The following CTNNA3 variants were observed in gnomAD, a reference collection of about 807,000 sequenced individuals.
The protein encoded by CTNNA3 is catenin alpha 3, also known as catenin alpha-3.
In CTNNA3, 76 loss-of-function variants were observed where a neutral mutation model predicts 95.7. The observed-to-expected ratio is 0.79, with a 90% confidence interval of 0.66 to 0.96. The LOEUF (loss-of-function observed/expected upper bound fraction) is 0.96, where lower values mean the gene tolerates loss of function less well. CTNNA3 is among the 40% of genes least tolerant of loss of function. CTNNA3 has a pLI of 0.00. For synonymous variants in CTNNA3, 431 were observed against 374.4 expected (o/e 1.15, Z -1.74); for missense variants, 1,191 against 1,089.8 (o/e 1.09, Z -1.31).
At chr10:66,368,022 C>T (rs2092726095) in intron 12 of CTNNA3, among the ~76,000 whole-genome samples, 1 of 150,986 alleles carries the variant, frequency 6.6e-6, no homozygotes, top group Non-Finnish European at 1.5e-5. Flanking sequence ...TTCATTACAT[C>T]TCTGGGTTAG....
chr10:67,533,985 A>G (rs544627232), intron 4 of CTNNA3, among the ~76,000 whole-genome samples: 1 of 152,170 alleles, frequency 6.6e-6, no homozygotes, highest in East Asian at 1.9e-4. Context: ...GTGAGCTCAG[A>G]GGAATTCTTT....
Position 67,588,563 on chromosome 10 carries a change from C to T in CTNNA3, c.292+18294G>A, listed in dbSNP as rs148628343. Among the ~76,000 whole-genome samples, 258 of 151,986 alleles carry T rather than the reference C, an allele frequency of 1.7e-3. 2 individuals carry two copies. The highest frequency in any genetic ancestry group is 5.8e-3 in the African/African-American group (240 of 41,452). ...GGACTGGATTGGCAGATGGACCTGT[C>T]GTCAGGCTTTAGTGGTAGTAGTGGT... On this transcript the variant is annotated intron_variant, in intron 3 of 17. Coordinates refer to ENST00000433211, the MANE Select transcript of CTNNA3 (RefSeq NM_013266.4).
chr10:67,304,617 A>G (rs1564550377), intron 5 of CTNNA3, among the ~76,000 whole-genome samples: 1 of 152,022 alleles, frequency 6.6e-6, no homozygotes, highest in Non-Finnish European at 1.5e-5. Context: ...TAAATAAAAT[A>G]AAAGGTGTAT....
chr10:66,349,622 T>C (rs544932396), intron 12 of CTNNA3, among the ~76,000 whole-genome samples: 1 of 152,234 alleles, frequency 6.6e-6, no homozygotes, highest in South Asian at 2.1e-4. Context: ...ACAGTTGCAA[T>C]CTTAAGAAAA....
chr10:66,110,423 T>C, intron 13 of CTNNA3, among the ~76,000 whole-genome samples: 1 of 151,656 alleles, frequency 6.6e-6, no homozygotes, highest in Non-Finnish European at 1.5e-5. Flanking sequence ...ACTTCCATGT[T>C]CACAATAGCT....
At position 67,487,835 on chromosome 10, in the gene CTNNA3, T is replaced by C. The variant is rs187598686; in HGVS notation, c.579+34007A>G. ...GTGACTGCCAGCTTCTCTCTTGACC[T>C]TCCTCACCCCTAGGTACCACAGGAT... On this transcript the variant is annotated intron_variant, in intron 5 of 17. Transcript: ENST00000433211. Among the ~76,000 whole-genome samples the C allele has an allele frequency of 3.6e-3, 552 of 152,280 alleles. 8 individuals are homozygous for C. The highest frequency in any genetic ancestry group is 0.013 in the African/African-American group (529 of 41,556).
chr10:66,351,453 TA>T lies in CTNNA3; in HGVS notation c.1732+27698del, dbSNP rs571153845. On this transcript the variant is annotated intron_variant, in intron 12 of 17. Coordinates refer to ENST00000433211, the MANE Select transcript of CTNNA3 (RefSeq NM_013266.4). ...AGTACCATTGTTAAATAGCAGATAT[TA>T]AAAAAAATGTGAGTCAGTGTTAGAA... Among the ~76,000 whole-genome samples the T allele has an allele frequency of 8.5e-4, 129 of 151,800 alleles. 2 individuals are homozygous for T. Among genetic ancestry groups the T allele is most frequent in the South Asian group, 7.3e-3 (35 of 4,812 alleles).
At chr10:66,834,822 G>A (rs1159034157) in intron 7 of CTNNA3, among the ~76,000 whole-genome samples, 1 of 152,178 alleles carries the variant, frequency 6.6e-6, no homozygotes, top group Non-Finnish European at 1.5e-5. Context: ...TGCTTTTCAT[G>A]CACTAGAAAG....
chr10:66,894,163 T>C (rs1439070491), intron 7 of CTNNA3, among the ~76,000 whole-genome samples: 2 of 152,038 alleles, frequency 1.3e-5, no homozygotes, highest in African/African-American at 4.8e-5. Flanking sequence ...TCAAAACAAC[T>C]TCAGAAGTAA....
At chr10:66,721,915 G>A (rs1028436322) in intron 9 of CTNNA3, among the ~76,000 whole-genome samples, 2 of 152,084 alleles carry the variant, frequency 1.3e-5, no homozygotes, top group African/African-American at 4.8e-5. Flanking sequence ...CATAAGTGGT[G>A]CAACACAGAT....
At chr10:66,038,122 T>C (rs192954319) in intron 15 of CTNNA3, among the ~76,000 whole-genome samples, 105 of 152,316 alleles carry the variant, frequency 6.9e-4, no homozygotes, top group Non-Finnish European at 1.2e-3. Flanking sequence ...ATAGACTGAT[T>C]CTAGAAGTCA....
chr10:67,064,352 C>A (rs1554909598), intron 7 of CTNNA3, among the ~76,000 whole-genome samples: 1 of 151,986 alleles, frequency 6.6e-6, no homozygotes. Context: ...TGAAGCTCCA[C>A]AAAAAATATG....
intron 3 of CTNNA3, among the ~76,000 whole-genome samples, chr10:67,595,575 ATG>A (rs1278784595): frequency 1.4e-5 from 2 of 147,368 alleles, no homozygotes; most frequent in Non-Finnish European, 3.1e-5. Context: ...ATTTTAGAGT[ATG>A]TGCCATGTGC....
chr10:67,713,961 A>G (rs985343902), intron 1 of CTNNA3, among the ~76,000 whole-genome samples: 1 of 152,194 alleles, frequency 6.6e-6, no homozygotes, highest in African/African-American at 2.4e-5. Context: ...ATTAAAAAAA[A>G]AAAAGAATTG....
chr10:67,006,216 A>G (rs918521549), intron 7 of CTNNA3, among the ~76,000 whole-genome samples: 2 of 152,108 alleles, frequency 1.3e-5, no homozygotes, highest in African/African-American at 2.4e-5. Context: ...TGGCAGAGTC[A>G]GGATTTAAGT....
intron 11 of CTNNA3, among the ~76,000 whole-genome samples, chr10:66,410,653 C>T (rs1234864261): frequency 6.6e-6 from 1 of 152,178 alleles, no homozygotes; most frequent in Non-Finnish European, 1.5e-5. Flanking sequence ...TATATTGGTT[C>T]TCTGTCACTG....
At chr10:67,317,653 C>T (rs1399633007) in intron 5 of CTNNA3, among the ~76,000 whole-genome samples, 1 of 151,978 alleles carries the variant, frequency 6.6e-6, no homozygotes, top group East Asian at 1.9e-4. Flanking sequence ...TGTCGATCTC[C>T]TGACCTCCTG....
At chr10:67,070,772 A>C (rs1003741725) in intron 7 of CTNNA3, among the ~76,000 whole-genome samples, 2 of 152,048 alleles carry the variant, frequency 1.3e-5, no homozygotes, top group African/African-American at 4.8e-5. Context: ...AAAGAAAAAA[A>C]AGAAATCCTT....
chr10:65,961,223 T>A (rs1319140080), intron 17 of CTNNA3, among the ~76,000 whole-genome samples: 1 of 152,188 alleles, frequency 6.6e-6, no homozygotes, highest in Non-Finnish European at 1.5e-5. Context: ...TCTTTCTCTC[T>A]CTTTTATTCC....
Sources: allele counts gnomAD v4.1 joint callset (sites outside exome capture counted in the v4.1 genomes callset), GRCh38; gene constraint gnomAD v4.1.1; transcripts MANE v1.5; gene names NCBI Gene and HGNC (gene_info 2026-07-23, HGNC 2026-07-21).